MMEL1: variants seen among roughly 807,000 people sequenced by gnomAD.
The protein encoded by MMEL1 is membrane metallo-endopeptidase-like 1.
Under a neutral mutation model 117.1 loss-of-function variants are expected in MMEL1, and 98 were observed. The ratio of observed to expected loss-of-function variants is 0.84; its 90% CI spans 0.71 to 0.99. The LOEUF is 0.99. Among genes scored for constraint, MMEL1 ranks in the 50% least tolerant of loss-of-function variants. The pLI, the probability that MMEL1 is intolerant of heterozygous loss-of-function variation, is 0.00. For missense variants in MMEL1, 1,014 were observed against 1,049.1 expected, an observed-to-expected ratio of 0.97 and a Z score of 0.46; for synonymous variants, 390 against 415.1, an observed-to-expected ratio of 0.94 and a Z score of 0.74.
At chr1:2,629,616 G>T in intron 1 of MMEL1, 95 bp from the exon 2 acceptor site, 1 of 1,145,558 alleles carries the variant, frequency 8.7e-7, no homozygotes, top group Non-Finnish European at 1.2e-6. Context: ...GGGAGCGGGC[G>T]CTGGGTGCCT....
At chr1:2,598,596 G>T in intron 12 of MMEL1, 58 bp downstream of exon 12, 1 of 1,606,060 alleles carries the variant, frequency 6.2e-7, no homozygotes, top group South Asian at 1.1e-5. Flanking sequence ...GTGTTGGGGA[G>T]GATGGGAGAG....
Position 2,594,072 on chromosome 1 carries a change from C to T in MMEL1, c.1748-139G>A, listed in dbSNP as rs1202277782. On this transcript the variant is annotated intron_variant, in intron 18 of 23. Coordinates refer to ENST00000378412, the MANE Select transcript of MMEL1 (RefSeq NM_033467.4). The stretch of plus-strand genomic sequence containing the variant: ...CAGAGGTCAGGATTCCCTCAATTTA[C>T]AGATGAAGACACGGAGGTTCAGAGG... The T allele has an allele frequency of 3.4e-6, 4 of 1,176,068 alleles. No individual in the cohort carries two copies. In the East Asian group the frequency reaches 1.0e-4, roughly 30 times the overall value. The allele number at this position is 1,176,068 out of a possible 1,614,324, so 72.9% of individuals were successfully genotyped here.
intron 2 of MMEL1, among the ~76,000 whole-genome samples, chr1:2,627,444 T>C (rs144782668): frequency 0.014 from 2,087 of 152,326 alleles, 22 homozygotes; most frequent in Admixed American, 0.024. Context: ...ACTTGATTGA[T>C]CTAGTGGATG....
chr1:2,621,414 C>T (rs1645287084), intron 2 of MMEL1, among the ~76,000 whole-genome samples: 1 of 152,194 alleles, frequency 6.6e-6, no homozygotes, highest in Non-Finnish European at 1.5e-5. Flanking sequence ...CCTTGGTCTC[C>T]ACAACCCCTT....
Position 2,604,135 on chromosome 1 carries a change from C to CCCCCCCCCAACCAG in MMEL1, c.951+11_951+12insCTGGTTGGGGGGGG. Reference sequence around the variant, plus strand: ...CTCGCTGCCCGCTCCCCACCCGCCCCGGCCCCCTTACCTTGGCCAGCTGTG... The same window carrying CCCCCCCCCAACCAG: ...CTCGCTGCCCGCTCCCCACCCGCCCCCCCCCCCCAACCAGGGCCCCCTTACCTTGGCCAGCTGTG... On this transcript the variant is annotated intron_variant, in intron 10 of 23. Coordinates refer to ENST00000378412, the MANE Select transcript of MMEL1 (RefSeq NM_033467.4). 2.6e-6 allele frequency: 4 copies of CCCCCCCCCAACCAG among 1,520,150 alleles called. No homozygotes were observed. Among genetic ancestry groups the CCCCCCCCCAACCAG allele is most frequent in the Non-Finnish European group, 3.6e-6 (4 of 1,100,344 alleles). The allele number at this position is 1,520,150 out of a possible 1,614,324, so 94.2% of individuals were successfully genotyped here. A position where few individuals can be genotyped will look rare whatever the true frequency, so the allele number is the denominator to read the frequency against.
At chr1:2,604,126 C>T (rs1271051150) in intron 10 of MMEL1, 21 bp downstream of exon 10, 2 of 1,414,756 alleles carry the variant, frequency 1.4e-6, no homozygotes, top group Non-Finnish European at 2.0e-6. Flanking sequence ...GCCCGCTCCC[C>T]ACCCGCCCCG....
chr1:2,606,467 C>T, intron 7 of MMEL1, 101 bp from the exon 8 acceptor site: 1 of 842,728 alleles, frequency 1.2e-6, no homozygotes, highest in South Asian at 1.5e-5. Context: ...ACTAGGGGGC[C>T]ATAGGGTGGG....
In MMEL1 at chr1:2,596,050, C is replaced by G. The variant is rs1644833312; in HGVS notation, c.1459G>C (p.Gly487Arg). 2 of 1,613,944 alleles carry G rather than the reference C, an allele frequency of 1.2e-6. No homozygotes were observed. Among genetic ancestry groups the G allele is most frequent in the Admixed American group, 3.3e-5 (2 of 60,002 alleles). ...TTCTTGGACTCCTCGTCCATCCAGC[C>G]CAGCTCGTCCAGCGTCTCCACAAAC... is the stretch of plus-strand genomic sequence containing the variant. Reference protein sequence around the residue: ...TVFVETLDELGWMDEESKKKA... With the variant: ...TVFVETLDELRWMDEESKKKA... Residue 487 changes from glycine (G) to arginine (R), a missense_variant, in exon 15 of 24, where the codon GGC (glycine) becomes CGC (arginine). Physicochemically the swap from Gly to Arg is moderately radical, Grantham distance 125. Transcript: ENST00000378412.
At chr1:2,606,490 G>A in intron 7 of MMEL1, 124 bp from the exon 8 acceptor site, 2 of 673,020 alleles carry the variant, frequency 3.0e-6, no homozygotes, top group Non-Finnish European at 5.1e-6. Context: ...GCTCACCTGT[G>A]CGCCTTAGGG....
chr1:2,604,136 G>T lies in MMEL1; in HGVS notation c.951+11C>A. ...TCGCTGCCCGCTCCCCACCCGCCCC[G>T]GCCCCCTTACCTTGGCCAGCTGTGT... On this transcript the variant is annotated intron_variant, in intron 10 of 23. Transcript: ENST00000378412. The T allele has an allele frequency of 1.2e-6, 1 of 818,634 alleles. No homozygotes were observed. Among genetic ancestry groups the T allele is most frequent in the South Asian group, 1.4e-5 (1 of 72,176 alleles). 50.7% of individuals were successfully genotyped at this position (818,634 alleles called of 1,614,324 possible).
At chr1:2,611,857 G>A (rs1225889368) in intron 3 of MMEL1, among the ~76,000 whole-genome samples, 6 of 152,124 alleles carry the variant, frequency 3.9e-5, no homozygotes, top group Non-Finnish European at 8.8e-5. Context: ...GCCCTGCCCC[G>A]GCCTGCCCCA....
intron 2 of MMEL1, among the ~76,000 whole-genome samples, chr1:2,616,014 A>G (rs531937765): frequency 1.2e-4 from 18 of 152,344 alleles, no homozygotes; most frequent in Non-Finnish European, 2.4e-4. Flanking sequence ...AGAGAAATTC[A>G]GGATTAAGAA....
chr1:2,613,437 G>C (rs558501647), intron 2 of MMEL1, among the ~76,000 whole-genome samples: 1 of 152,272 alleles, frequency 6.6e-6, no homozygotes, highest in East Asian at 1.9e-4. Flanking sequence ...TCTGACCAAA[G>C]TGGTGACAAG....
In MMEL1 at chr1:2,605,476, C is replaced by A. The variant is rs1645007423; in HGVS notation, c.816+82G>T. 5 of 1,238,066 alleles carry A rather than the reference C, an allele frequency of 4.0e-6. No individual in the cohort carries two copies. In the East Asian group the frequency reaches 1.2e-4, roughly 29 times the overall value. The allele number at this position is 1,238,066 out of a possible 1,614,324, so 76.7% of individuals were successfully genotyped here. The stretch of plus-strand genomic sequence containing the variant: ...TAACACCAGCTTCGGGGAGGGAAGG[C>A]CAGGTGGGCAACGGGAAGGCCAGAC... On this transcript the variant is annotated intron_variant, in intron 9 of 23. Coordinates refer to ENST00000378412, the MANE Select transcript of MMEL1 (RefSeq NM_033467.4).
At position 2,609,395 on chromosome 1, in the gene MMEL1, T is replaced by A; in HGVS notation, c.479A>T (p.Lys160Met). 1 of 1,611,826 alleles carries A rather than the reference T, an allele frequency of 6.2e-7. No homozygotes were observed. The highest frequency in any genetic ancestry group is 1.1e-5 in the South Asian group (1 of 90,694). ...LKAVLENSTA[K>M]DRPAVEKART... ...GGCCTTCTCCACAGCCGGCCGGTCCTTGGCAGTCGAATTCTCCAGCACCGC... is the reference window on the plus strand; with the variant it reads ...GGCCTTCTCCACAGCCGGCCGGTCCATGGCAGTCGAATTCTCCAGCACCGC... Residue 160 changes from lysine (K) to methionine (M), a missense_variant, in exon 6 of 24, where the codon AAG becomes ATG. Transcript: ENST00000378412.
chr1:2,628,267 A>T (rs900705977), intron 2 of MMEL1, among the ~76,000 whole-genome samples: 2 of 152,178 alleles, frequency 1.3e-5, no homozygotes, highest in African/African-American at 4.8e-5. Flanking sequence ...GCCACACTGT[A>T]CAGTGGCCAG....
At chr1:2,594,149 AC>A in intron 18 of MMEL1, 1 of 769,716 alleles carries the variant, frequency 1.3e-6, no homozygotes, top group Non-Finnish European at 2.0e-6. Context: ...GCCTCCTCCC[AC>A]CATCCTGTTC....
At chr1:2,598,835 G>C in intron 11 of MMEL1, 45 bp from the exon 12 acceptor site, 245 of 1,448,524 alleles carry the variant, frequency 1.7e-4, no homozygotes, top group Non-Finnish European at 2.1e-4. Context: ...GAGAGAGAGG[G>C]AGAAACAGTT....
chr1:2,623,289 T>C (rs1319387556), intron 2 of MMEL1, among the ~76,000 whole-genome samples: 3 of 152,230 alleles, frequency 2.0e-5, no homozygotes, highest in Non-Finnish European at 2.9e-5. Flanking sequence ...TATTGATTAC[T>C]TTAATATTTA....
Sources: allele counts gnomAD v4.1 joint callset (sites outside exome capture counted in the v4.1 genomes callset), GRCh38; gene constraint gnomAD v4.1.1; transcripts MANE v1.5; gene names NCBI Gene and HGNC (gene_info 2026-07-23, HGNC 2026-07-21).